The following IL31RA variants were observed in gnomAD, a reference collection of about 807,000 sequenced individuals.
IL31RA encodes the protein interleukin 31 receptor A.
Under a neutral mutation model 83.7 loss-of-function variants are expected in IL31RA, and 66 were observed. That is an observed-to-expected ratio of 0.79 (90% CI 0.65 to 0.97). IL31RA has a LOEUF of 0.97. Ranked by LOEUF, IL31RA falls within the 50% of genes least tolerant of loss-of-function variation. The pLI, the probability that IL31RA is intolerant of heterozygous loss-of-function variation, is 0.00. For synonymous variants in IL31RA, 325 were observed against 329.0 expected, an observed-to-expected ratio of 0.99 and a Z score of 0.13; for missense variants, 798 against 919.4, an observed-to-expected ratio of 0.87 and a Z score of 1.71.
chr5:55,858,107 C>A (rs1313305750), intron 1 of IL31RA, among the ~76,000 whole-genome samples: 1 of 151,876 alleles, frequency 6.6e-6, no homozygotes, highest in East Asian at 1.9e-4. Flanking sequence ...GCAATAATTA[C>A]CATTAACTTA....
rs1335498220 is a variant in IL31RA, at chr5:55,920,570, C to T, written c.*3450C>T. On this transcript the variant is annotated 3_prime_UTR_variant, in exon 15 of 15. Transcript: ENST00000652347. ...AAGGCAGAGTTGAGTAGTTTCAACA[C>T]AGAGTTTTTCCCACAAAGCAGAAAA... Among the ~76,000 whole-genome samples the T allele has an allele frequency of 6.6e-6, 1 of 152,182 alleles. No homozygotes were observed. Among genetic ancestry groups the T allele is most frequent in the Non-Finnish European group, 1.5e-5 (1 of 68,032 alleles).
At chr5:55,864,777 A>G (rs1039479200) in intron 2 of IL31RA, among the ~76,000 whole-genome samples, 1 of 151,482 alleles carries the variant, frequency 6.6e-6, no homozygotes, top group African/African-American at 2.4e-5. Flanking sequence ...CACTACACAC[A>G]TACCACACAC....
At chr5:55,893,656 A>C (rs1456149544) in intron 6 of IL31RA, among the ~76,000 whole-genome samples, 1 of 152,174 alleles carries the variant, frequency 6.6e-6, no homozygotes, top group Non-Finnish European at 1.5e-5. Context: ...CAGTTTCACT[A>C]ACAGCTGCAT....
At chr5:55,863,714 T>C (rs533909730) in intron 2 of IL31RA, among the ~76,000 whole-genome samples, 17 of 152,254 alleles carry the variant, frequency 1.1e-4, no homozygotes, top group Non-Finnish European at 1.9e-4. Context: ...AAAACAAATG[T>C]AGTCTCATAA....
In IL31RA at chr5:55,896,536, C is replaced by A. The variant is rs561102797; in HGVS notation, c.852+107C>A. ...ATCCCTTCCATCCTCCTTCCCTTCC[C>A]TTCCCTTCCCTTCCCTCCCCTCCCC... On this transcript the variant is annotated intron_variant, in intron 7 of 14. Coordinates refer to ENST00000652347, the MANE Select transcript of IL31RA (RefSeq NM_139017.7). 2.4e-4 allele frequency: 150 copies of A among 637,884 alleles called. No homozygotes were observed. The African/African-American group carries it at 3.1e-3, about 13-fold the overall frequency. 39.5% of individuals were successfully genotyped at this position (637,884 alleles called of 1,614,324 possible).
Position 55,890,118 on chromosome 5 carries a change from G to C in IL31RA, c.755G>C (p.Gly252Ala), listed in dbSNP as rs751267956. The C allele has an allele frequency of 2.5e-6, 4 of 1,613,884 alleles. No homozygotes were observed. The South Asian group carries it at 4.4e-5, about 18-fold the overall frequency. ...AGTGACTGGAGCCAAGAAAAAATGG[G>C]AATGACTGAGGAAGAAGGCAAGCTA... ...FWSDWSQEKM[G>A]MTEEEAPCGL... The change falls in exon 6 of 15, where the codon GGA becomes GCA. Residue 252 changes from glycine to alanine, a missense_variant. Gly to Ala is a moderately conservative substitution (Grantham distance 60). Coordinates refer to ENST00000652347, the MANE Select transcript of IL31RA (RefSeq NM_139017.7).
In IL31RA at chr5:55,859,630, T is replaced by C. The variant is rs768258447; in HGVS notation, c.154+31T>C. The stretch of plus-strand genomic sequence containing the variant: ...TTGACCTGGGCCCTTTTACAGATCA[T>C]GTGATTATTATTGCCTTCTTTGGAC... On this transcript the variant is annotated intron_variant, in intron 2 of 14. Coordinates refer to ENST00000652347, the MANE Select transcript of IL31RA (RefSeq NM_139017.7). The C allele has an allele frequency of 2.8e-6, 4 of 1,412,466 alleles. No homozygotes were observed. In the African/African-American group the frequency reaches 4.2e-5, roughly 15 times the overall value. The allele number at this position is 1,412,466 out of a possible 1,614,324, so 87.5% of individuals were successfully genotyped here.
At chr5:55,867,159 G>GCA (rs1561543034) in intron 2 of IL31RA, among the ~76,000 whole-genome samples, 2 of 90,816 alleles carry the variant, frequency 2.2e-5, no homozygotes, top group Admixed American at 1.1e-4. Context: ...ATGTGTGTTT[G>GCA]TGTGTGTGCA....
chr5:55,865,548 A>C (rs1746002421), intron 2 of IL31RA, among the ~76,000 whole-genome samples: 1 of 152,168 alleles, frequency 6.6e-6, no homozygotes, highest in Non-Finnish European at 1.5e-5. Flanking sequence ...AACCTAAACA[A>C]AACAAAACAA....
Position 55,899,080 on chromosome 5 carries a change from G to T in IL31RA, c.853-836G>T, listed in dbSNP as rs1393489726. 3.4e-4 allele frequency among the ~76,000 whole-genome samples: 51 copies of T among 151,998 alleles called. 1 individual carries two copies. The highest frequency in any genetic ancestry group is 5.9e-5 in the Non-Finnish European group (4 of 67,988). On this transcript the variant is annotated intron_variant, in intron 7 of 14. Coordinates refer to ENST00000652347, the MANE Select transcript of IL31RA (RefSeq NM_139017.7). ...AATGGGTCGTCTTGAGAGATAAAAGGCTCCTGGTCATTAGGAAGATTCTAG... is the reference window on the plus strand; with the variant it reads ...AATGGGTCGTCTTGAGAGATAAAAGTCTCCTGGTCATTAGGAAGATTCTAG...
upstream of IL31RA, among the ~76,000 whole-genome samples, chr5:55,850,381 T>C (rs1745023382): frequency 1.3e-5 from 2 of 152,190 alleles, no homozygotes; most frequent in African/African-American, 4.8e-5. Flanking sequence ...CTCTTTGTCT[T>C]TTCTTCTATC....
chr5:55,872,716 T>C (rs544410144), intron 4 of IL31RA, among the ~76,000 whole-genome samples: 2 of 152,226 alleles, frequency 1.3e-5, no homozygotes, highest in South Asian at 2.1e-4. Context: ...TGGTTTCCTC[T>C]TGTAGTTTGT....
chr5:55,887,576 C>T (rs1017738692), intron 5 of IL31RA, among the ~76,000 whole-genome samples: 15 of 151,246 alleles, frequency 9.9e-5, no homozygotes, highest in East Asian at 1.9e-4. Context: ...CCTGTCTCTA[C>T]GAAAAATACA....
chr5:55,902,029 T>C (rs1024167073), intron 8 of IL31RA, among the ~76,000 whole-genome samples: 2 of 152,240 alleles, frequency 1.3e-5, no homozygotes, highest in Non-Finnish European at 2.9e-5. Context: ...ACTTAGGTTT[T>C]TTTTGGCTTT....
the IL31RA span, chr5:55,839,986 T>C: frequency 1.7e-6 from 1 of 592,298 alleles, no homozygotes. Flanking sequence ...CCGTGGACCT[T>C]CAACATAAAC....
At chr5:55,902,704 G>C (rs1748903931) in intron 8 of IL31RA, among the ~76,000 whole-genome samples, 1 of 152,194 alleles carries the variant, frequency 6.6e-6, no homozygotes, top group South Asian at 2.1e-4. Context: ...ACTGGAGAAT[G>C]AGAATAATAA....
At chr5:55,894,736 G>A (rs1173038466) in intron 6 of IL31RA, among the ~76,000 whole-genome samples, 1 of 152,088 alleles carries the variant, frequency 6.6e-6, no homozygotes, top group African/African-American at 2.4e-5. Context: ...CAATTCTTTT[G>A]AGACACGACT....
chr5:55,857,842 T>C (rs1745447124), intron 1 of IL31RA, among the ~76,000 whole-genome samples: 1 of 152,222 alleles, frequency 6.6e-6, no homozygotes, highest in Admixed American at 6.5e-5. Flanking sequence ...TGTGCTCTTC[T>C]TTGATTCCAA....
At chr5:55,902,449 C>T (rs1452169361) in intron 8 of IL31RA, 2 of 113,548 alleles carry the variant, frequency 1.8e-5, no homozygotes, top group Admixed American at 1.0e-4. Context: ...ATAGTGAAAC[C>T]TTGTTTCTAC....
Sources: allele counts gnomAD v4.1 joint callset (sites outside exome capture counted in the v4.1 genomes callset), GRCh38; gene constraint gnomAD v4.1.1; transcripts MANE v1.5; gene names NCBI Gene and HGNC (gene_info 2026-07-23, HGNC 2026-07-21).